The following LRRC75A variants were observed in gnomAD, a reference collection of about 807,000 sequenced individuals.
The protein encoded by LRRC75A is leucine rich repeat containing 75A.
Under a neutral mutation model 26.0 loss-of-function variants are expected in LRRC75A, and 12 were observed. The observed-to-expected ratio is 0.46, with a 90% CI of 0.30 to 0.75. The LOEUF (loss-of-function observed/expected upper bound fraction) is 0.75. Among genes scored for constraint, LRRC75A ranks in the 30% least tolerant of loss-of-function variants. The pLI, the probability that LRRC75A is intolerant of heterozygous loss-of-function variation, is 0.08. For missense variants in LRRC75A, 410 were observed against 486.6 expected (o/e 0.84, Z 1.48); for synonymous variants, 223 against 219.3 (o/e 1.02, Z -0.15).
At chr17:16,478,145 C>A (rs1218454010) in intron 1 of LRRC75A, among the ~76,000 whole-genome samples, 1 of 151,798 alleles carries the variant, frequency 6.6e-6, no homozygotes, top group Non-Finnish European at 1.5e-5. Flanking sequence ...AGGTCCCCAA[C>A]CAGCTGCCCA....
intron 2 of LRRC75A, among the ~76,000 whole-genome samples, chr17:16,459,107 T>C (rs958992017): frequency 1.3e-5 from 2 of 152,216 alleles, no homozygotes; most frequent in South Asian, 4.1e-4. Flanking sequence ...CTAAACTCTC[T>C]TCAAACTTCA....
chr17:16,476,927 A>C (rs1000395544), intron 1 of LRRC75A, among the ~76,000 whole-genome samples: 3 of 151,456 alleles, frequency 2.0e-5, no homozygotes, highest in Non-Finnish European at 4.4e-5. Flanking sequence ...TTTAGTAGAG[A>C]CGGGGTTTCA....
At chr17:16,460,507 C>A (rs573451994) in intron 2 of LRRC75A, among the ~76,000 whole-genome samples, 4 of 152,078 alleles carry the variant, frequency 2.6e-5, no homozygotes, top group African/African-American at 9.7e-5. Context: ...CATGAGGCAA[C>A]CTGTGAGGGG....
rs778589788 is a variant in LRRC75A at position 16,444,039 on chromosome 17, C to G, written c.584G>C (p.Ser195Thr). 5 of 1,613,544 alleles carry G rather than the reference C, an allele frequency of 3.1e-6. No individual in the cohort carries two copies. The African/African-American group carries it at 6.7e-5, about 22-fold the overall frequency. Reference sequence around the variant, plus strand: ...CTGCTCCCCACAGCGCTGTAGGTAGCTGGTCACCCGCTCCAGGTCTCGGGA... The same window carrying G: ...CTGCTCCCCACAGCGCTGTAGGTAGGTGGTCACCCGCTCCAGGTCTCGGGA... The part of the protein sequence containing the change: ...LTSRDLERVT[S>T]YLQRCGEQVD... Residue 195 changes from serine (S) to threonine (T), a missense_variant, in exon 4 of 4, where the codon AGC becomes ACC. Ser to Thr is a moderately conservative substitution (Grantham distance 58, BLOSUM62 1). Coordinates refer to ENST00000470794, the MANE Select transcript of LRRC75A (RefSeq NM_001113567.3).
intron 2 of LRRC75A, among the ~76,000 whole-genome samples, chr17:16,461,722 C>T (rs866129499): frequency 5.3e-5 from 8 of 152,196 alleles, no homozygotes; most frequent in Admixed American, 2.0e-4. Flanking sequence ...GGGCCCCGGA[C>T]GGCCTTCTAT....
At chr17:16,449,989 G>C (rs1171711159) in intron 2 of LRRC75A, among the ~76,000 whole-genome samples, 2 of 152,196 alleles carry the variant, frequency 1.3e-5, no homozygotes, top group Non-Finnish European at 2.9e-5. Context: ...ATCCTTGAGT[G>C]AGGAGGAAAC....
At position 16,462,603 on chromosome 17, in the gene LRRC75A, T is replaced by G. The variant is rs1269415623; in HGVS notation, c.247-217A>C. Among the ~76,000 whole-genome samples, 1 of 152,214 alleles carries G rather than the reference T, an allele frequency of 6.6e-6. No individual in the cohort carries two copies. The highest frequency in any genetic ancestry group is 1.5e-5 in the Non-Finnish European group (1 of 68,030). Reference sequence around the variant, plus strand: ...AGAGCAGGGACTGGCCTCTGCAGGCTCTGCAGTTTGTGCAGGTCCTGGCTT... The same window carrying G: ...AGAGCAGGGACTGGCCTCTGCAGGCGCTGCAGTTTGTGCAGGTCCTGGCTT... On this transcript the variant is annotated intron_variant, in intron 1 of 3. Coordinates refer to ENST00000470794, the MANE Select transcript of LRRC75A (RefSeq NM_001113567.3). The surrounding 1 kb of genome is among the most constrained non-coding windows in gnomAD (Gnocchi z 4.6).
At chr17:16,453,735 A>C (rs2093654390) in intron 2 of LRRC75A, among the ~76,000 whole-genome samples, 1 of 152,100 alleles carries the variant, frequency 6.6e-6, no homozygotes, top group Non-Finnish European at 1.5e-5. Context: ...AGAGCTTTGA[A>C]CTAACGGAAA....
At chr17:16,488,197 G>A (rs1238124920) in intron 1 of LRRC75A, among the ~76,000 whole-genome samples, 2 of 152,210 alleles carry the variant, frequency 1.3e-5, no homozygotes, top group African/African-American at 4.8e-5. Context: ...CTGAGCCCAA[G>A]GGGAAGGACA....
intron 1 of LRRC75A, among the ~76,000 whole-genome samples, chr17:16,467,519 G>C (rs1371191752): frequency 6.6e-6 from 1 of 152,124 alleles, no homozygotes; most frequent in Non-Finnish European, 1.5e-5. Context: ...TTCCCCCCAG[G>C]AGGAATACAC....
At chr17:16,444,751 G>A (rs1444730369) in intron 3 of LRRC75A, among the ~76,000 whole-genome samples, 1 of 151,814 alleles carries the variant, frequency 6.6e-6, no homozygotes, top group Non-Finnish European at 1.5e-5. Flanking sequence ...AGTTCAAGCT[G>A]ATGGCAAGTG....
intron 2 of LRRC75A, among the ~76,000 whole-genome samples, chr17:16,459,053 C>T (rs1204633758): frequency 1.3e-5 from 2 of 152,196 alleles, no homozygotes; most frequent in Admixed American, 6.5e-5. Flanking sequence ...TTGGATGTCT[C>T]AATGTCCCCT....
In LRRC75A at chr17:16,447,872, C is replaced by T. The variant is rs966421208; in HGVS notation, c.464G>A (p.Gly155Glu). ...SPHSQWRRHR[G>E]LVKRKPQACL... ...GGCCTGTGGCTTCCTTTTCACCAGC[C>T]CCCGGTGCCGCCTCCACTGGGAGTG... Residue 155 changes from glycine (G) to glutamate (E), a missense_variant, in exon 3 of 4, where the codon GGG becomes GAG. Physicochemically the swap from Gly to Glu is moderately conservative, Grantham distance 98. Coordinates refer to ENST00000470794, the MANE Select transcript of LRRC75A (RefSeq NM_001113567.3). 4.5e-6 allele frequency: 7 copies of T among 1,549,150 alleles called. No homozygotes were observed. In the East Asian group the frequency reaches 1.5e-4, roughly 32 times the overall value.
chr17:16,447,719 C>T lies in LRRC75A; in HGVS notation c.491+126G>A, dbSNP rs1009259990. 4.5e-6 allele frequency: 3 copies of T among 666,236 alleles called. No homozygotes were observed. In the African/African-American group the frequency reaches 5.5e-5, roughly 12 times the overall value. The allele number at this position is 666,236 out of a possible 1,614,324, so 41.3% of individuals were successfully genotyped here. A position where few individuals can be genotyped will look rare whatever the true frequency, so the allele number is the denominator to read the frequency against. On this transcript the variant is annotated intron_variant, in intron 3 of 3. Transcript: ENST00000470794. ...CTCTGGAATCCTCCTTCCATCTTACCTCCTTCAGGCAGCTTCTATGACCAC... is the reference window on the plus strand; with the variant it reads ...CTCTGGAATCCTCCTTCCATCTTACTTCCTTCAGGCAGCTTCTATGACCAC...
intron 1 of LRRC75A, among the ~76,000 whole-genome samples, chr17:16,486,521 C>T (rs757164525): frequency 8.5e-5 from 13 of 152,258 alleles, no homozygotes; most frequent in Non-Finnish European, 1.2e-4. Flanking sequence ...AGGCAGAGAG[C>T]GGCGGATTTT....
Position 16,444,078 on chromosome 17 carries a change from C to T in LRRC75A, c.545G>A (p.Gly182Glu). The T allele has an allele frequency of 3.1e-6, 5 of 1,612,312 alleles. No homozygotes were observed. Among genetic ancestry groups the T allele is most frequent in the Non-Finnish European group, 4.2e-6 (5 of 1,179,160 alleles). Residue 182 changes from glycine to glutamate, a missense_variant, in exon 4 of 4, where the codon GGA becomes GAA. Transcript: ENST00000470794. ...CAGGTCTCGGGAGGTCAGTGGGATT[C>T]CCGACAGGTCCACTGTGTTGTCTGG... is the stretch of plus-strand genomic sequence containing the variant. ...SPPDNTVDLS[G>E]IPLTSRDLER...
intron 1 of LRRC75A, among the ~76,000 whole-genome samples, chr17:16,474,610 CT>C (rs2093815173): frequency 6.6e-6 from 1 of 152,154 alleles, no homozygotes; most frequent in Admixed American, 6.5e-5. Flanking sequence ...GGGAAATTAT[CT>C]GAATCGGTTG....
intron 2 of LRRC75A, among the ~76,000 whole-genome samples, chr17:16,449,993 A>G (rs2093617795): frequency 6.6e-6 from 1 of 152,164 alleles, no homozygotes; most frequent in Admixed American, 6.6e-5. Flanking sequence ...TTGAGTGAGG[A>G]GGAAACAGTC....
At position 16,447,907 on chromosome 17, in the gene LRRC75A, G is replaced by C. The variant is rs1269687971; in HGVS notation, c.429C>G (p.His143Gln). 1.9e-6 allele frequency: 3 copies of C among 1,550,854 alleles called. No individual in the cohort carries two copies. The Admixed American group carries it at 5.9e-5, about 30-fold the overall frequency. The change falls in exon 3 of 4, where the codon CAC becomes CAG. Residue 143 changes from histidine to glutamine, a missense_variant. Transcript: ENST00000470794. The part of the protein sequence containing the change: ...MEKLCRQLTY[H>Q]LSPHSQWRRH... ...GCCTCCACTGGGAGTGGGGGCTGAG[G>C]TGGTATGTCAGCTGCCGGCACAGCT...
Sources: allele counts gnomAD v4.1 joint callset (sites outside exome capture counted in the v4.1 genomes callset), GRCh38; gene constraint gnomAD v4.1.1; non-coding constraint Gnocchi (gnomAD v3.1); transcripts MANE v1.5; gene names NCBI Gene and HGNC (gene_info 2026-07-23, HGNC 2026-07-21).